DSCAM: variants seen among roughly 807,000 people sequenced by gnomAD.
The protein encoded by DSCAM is DS cell adhesion molecule.
In DSCAM, 47 loss-of-function variants were observed where a neutral mutation model predicts 217.7. That is an observed-to-expected ratio of 0.22 (90% CI 0.17 to 0.28). The LOEUF (loss-of-function observed/expected upper bound fraction) is 0.28. DSCAM is among the 10% of genes least tolerant of loss of function. DSCAM has a pLI of 1.00. For missense variants in DSCAM, 2,080 were observed against 2,618.3 expected, an observed-to-expected ratio of 0.79 and a Z score of 4.49; for synonymous variants, 1,056 against 1,015.3, an observed-to-expected ratio of 1.04 and a Z score of -0.76.
At chr21:40,078,584 T>G (rs439535) in intron 26 of DSCAM, 103 bp downstream of exon 26, 42 of 1,468,696 alleles carry the variant, frequency 2.9e-5, no homozygotes, top group Non-Finnish European at 3.7e-5. Flanking sequence ...CCGTGGGCAC[T>G]GGTCAAACTA....
At chr21:40,495,667 A>G (rs941905267) in intron 3 of DSCAM, among the ~76,000 whole-genome samples, 2 of 152,172 alleles carry the variant, frequency 1.3e-5, no homozygotes, top group Admixed American at 6.5e-5. Flanking sequence ...ACTTCTCTGG[A>G]AGTCCTAACT....
chr21:40,802,442 G>A (rs1171305056), intron 1 of DSCAM, among the ~76,000 whole-genome samples: 1 of 152,160 alleles, frequency 6.6e-6, no homozygotes, highest in Non-Finnish European at 1.5e-5. Flanking sequence ...GGGATGGATT[G>A]CATATATTTG....
intron 3 of DSCAM, among the ~76,000 whole-genome samples, chr21:40,583,084 C>T (rs541573184): frequency 6.6e-6 from 1 of 152,152 alleles, no homozygotes; most frequent in South Asian, 2.1e-4. Flanking sequence ...GAAGAAAGAT[C>T]ACTTCAGAAT....
chr21:40,454,074 A>C (rs996340128), intron 3 of DSCAM, among the ~76,000 whole-genome samples: 6 of 152,252 alleles, frequency 3.9e-5, no homozygotes, highest in African/African-American at 1.4e-4. Context: ...GGACTGAAAC[A>C]GAAAGATATA....
At chr21:40,618,837 A>C (rs1309803883) in intron 3 of DSCAM, 1 of 152,290 alleles carries the variant, frequency 6.6e-6, no homozygotes, top group African/African-American at 2.4e-5. Context: ...ATCACAGGGC[A>C]CTTGGCTGCA....
rs768301229 is a variant in DSCAM at position 40,087,253 on chromosome 21, C to T, written c.3885G>A (p.Val1295=). 33 of 1,614,116 alleles carry T rather than the reference C, an allele frequency of 2.0e-5. No individual in the cohort carries two copies. The highest frequency in any genetic ancestry group is 2.5e-5 in the Non-Finnish European group (30 of 1,179,976). ...CAATGTCTTTCATCCATGGAGTAGT[C>T]ACTGTCCCACTGAAGGTCAGGATTC... ...PARILTFSGT[V]TTPWMKDIVL... The change falls in exon 22 of 33, where the codon GTG becomes GTA. Residue 1295 remains valine (V), a synonymous_variant. Coordinates refer to ENST00000400454, the MANE Select transcript of DSCAM (RefSeq NM_001389.5).
intron 3 of DSCAM, among the ~76,000 whole-genome samples, chr21:40,691,330 G>T (rs774316810): frequency 1.3e-5 from 2 of 152,160 alleles, no homozygotes; most frequent in South Asian, 4.1e-4. Flanking sequence ...TGGATGACAG[G>T]GTTAAAAGAT....
At chr21:40,078,383 A>G (rs770468079) in intron 26 of DSCAM, among the ~76,000 whole-genome samples, 9 of 152,152 alleles carry the variant, frequency 5.9e-5, no homozygotes, top group Non-Finnish European at 7.3e-5. Context: ...ATAGACATCA[A>G]CACAAGCACA....
chr21:40,311,933 ATTTTTT>A (rs34579385), intron 9 of DSCAM, 142 bp downstream of exon 9: 292 of 202,212 alleles, frequency 1.4e-3, no homozygotes, highest in East Asian at 9.0e-3. Flanking sequence ...TTAGAGTCGT[ATTTTTT>A]TTTTTTTTTT....
chr21:40,636,422 C>T (rs529520292), intron 3 of DSCAM, among the ~76,000 whole-genome samples: 4 of 152,118 alleles, frequency 2.6e-5, no homozygotes, highest in African/African-American at 4.8e-5. Context: ...GGGGGTGGTT[C>T]ACTGCTTCTG....
At chr21:40,237,647 C>T (rs951396226) in intron 11 of DSCAM, among the ~76,000 whole-genome samples, 6 of 152,164 alleles carry the variant, frequency 3.9e-5, no homozygotes, top group African/African-American at 1.4e-4. Flanking sequence ...CAAGTCTTTG[C>T]TATTGTGAAC....
chr21:40,802,426 G>T (rs2091750040), intron 1 of DSCAM, among the ~76,000 whole-genome samples: 1 of 152,142 alleles, frequency 6.6e-6, no homozygotes, highest in South Asian at 2.1e-4. Flanking sequence ...AGACTTTGGG[G>T]TTATGGGGAT....
chr21:40,718,665 C>G (rs576424985), intron 1 of DSCAM, among the ~76,000 whole-genome samples: 1 of 152,250 alleles, frequency 6.6e-6, no homozygotes, highest in Non-Finnish European at 1.5e-5. Context: ...TGGGTGAGGG[C>G]ACAGCCAAGG....
intron 20 of DSCAM, among the ~76,000 whole-genome samples, chr21:40,120,037 G>GGGAAGCT (rs2090015999): frequency 6.6e-6 from 1 of 152,142 alleles, no homozygotes; most frequent in South Asian, 2.1e-4. Flanking sequence ...TGCCTGGGGT[G>GGGAAGCT]GGAAGCTGTC....
At chr21:40,786,291 G>A (rs924562694) in intron 1 of DSCAM, among the ~76,000 whole-genome samples, 1 of 151,624 alleles carries the variant, frequency 6.6e-6, no homozygotes, top group South Asian at 2.1e-4. Context: ...AAAAAGGAAG[G>A]AAGGAAGGAA....
chr21:40,802,936 G>A (rs924352671), intron 1 of DSCAM, among the ~76,000 whole-genome samples: 10 of 152,112 alleles, frequency 6.6e-5, no homozygotes, highest in Non-Finnish European at 1.3e-4. Context: ...ACAGCATTAC[G>A]CAGCTGACCA....
At chr21:40,340,117 A>C (rs2074475379) in intron 6 of DSCAM, among the ~76,000 whole-genome samples, 1 of 152,300 alleles carries the variant, frequency 6.6e-6, no homozygotes, top group African/African-American at 2.4e-5. Flanking sequence ...TAGGGTACTT[A>C]AGCATGTTTT....
chr21:40,075,890 G>A (rs150253183), intron 26 of DSCAM, among the ~76,000 whole-genome samples: 5 of 152,290 alleles, frequency 3.3e-5, no homozygotes, highest in African/African-American at 1.2e-4. Flanking sequence ...ACTGAAGGAA[G>A]ATGAACTCTG....
intron 3 of DSCAM, among the ~76,000 whole-genome samples, chr21:40,542,092 A>G (rs76949361): frequency 0.019 from 2,967 of 152,300 alleles, 92 homozygotes; most frequent in African/African-American, 0.067. Context: ...AACACATGGC[A>G]TTTTTGATCC....
Sources: allele counts gnomAD v4.1 joint callset (sites outside exome capture counted in the v4.1 genomes callset), GRCh38; gene constraint gnomAD v4.1.1; transcripts MANE v1.5; gene names NCBI Gene and HGNC (gene_info 2026-07-23, HGNC 2026-07-21).